The following GABRG2 variants were observed in gnomAD, a reference collection of about 807,000 sequenced individuals.
GABRG2 encodes the protein gamma-aminobutyric acid type A receptor subunit gamma2.
Under a neutral mutation model 56.4 loss-of-function variants are expected in GABRG2, and 16 were observed. The observed-to-expected ratio is 0.28, with a 90% CI of 0.19 to 0.43. The LOEUF is 0.43. GABRG2 is among the 20% of genes least tolerant of loss of function. GABRG2 has a pLI of 1.00. For missense variants in GABRG2, 327 were observed against 582.7 expected (o/e 0.56, Z 4.52); for synonymous variants, 208 against 205.5 (o/e 1.01, Z -0.10).
chr5:162,120,479 G>T (rs2113478070), intron 6 of GABRG2, among the ~76,000 whole-genome samples: 1 of 152,208 alleles, frequency 6.6e-6, no homozygotes, highest in South Asian at 2.1e-4. Context: ...GTACAGTGGA[G>T]ATATTAGAGA....
intron 6 of GABRG2, among the ~76,000 whole-genome samples, chr5:162,124,465 A>G (rs1763182348): frequency 6.6e-6 from 1 of 151,888 alleles, no homozygotes; most frequent in African/African-American, 2.4e-5. Context: ...ACAGCATAGA[A>G]TAGGTATGCC....
intron 6 of GABRG2, among the ~76,000 whole-genome samples, chr5:162,140,426 G>A (rs572747743): frequency 6.6e-6 from 1 of 152,294 alleles, no homozygotes; most frequent in East Asian, 1.9e-4. Context: ...TTCTATTTCA[G>A]CAGCTTTGAG....
At chr5:162,103,243 C>T (rs1177594751) in intron 5 of GABRG2, 1 of 154,098 alleles carries the variant, frequency 6.5e-6, no homozygotes, top group Non-Finnish European at 1.4e-5. Flanking sequence ...TATCTCACCT[C>T]CCCAGTGTGA....
intron 6 of GABRG2, among the ~76,000 whole-genome samples, chr5:162,135,764 C>G (rs1764075913): frequency 6.6e-6 from 1 of 151,982 alleles, no homozygotes; most frequent in South Asian, 2.1e-4. Flanking sequence ...GAGGAGGCAG[C>G]AGGTGAAAGA....
At chr5:162,089,970 C>T (rs1760431144) in intron 1 of GABRG2, among the ~76,000 whole-genome samples, 1 of 152,122 alleles carries the variant, frequency 6.6e-6, no homozygotes. Context: ...ATTAAAATGT[C>T]TACAATCTTG....
chr5:162,074,372 C>T (rs1758917974), intron 1 of GABRG2, among the ~76,000 whole-genome samples: 1 of 152,018 alleles, frequency 6.6e-6, no homozygotes, highest in Admixed American at 6.6e-5. Flanking sequence ...TACCAAACAA[C>T]ATAATCGTGG....
intron 6 of GABRG2, among the ~76,000 whole-genome samples, chr5:162,133,537 C>G (rs1763905665): frequency 6.6e-6 from 1 of 152,076 alleles, no homozygotes; most frequent in Non-Finnish European, 1.5e-5. Context: ...TTCGATGGAT[C>G]AAAGTAGCAA....
rs374075202 is a variant in GABRG2 at position 162,136,646 on chromosome 5, G to C, written c.770-5518G>C. On this transcript the variant is annotated intron_variant, in intron 6 of 9. Transcript: ENST00000639213. The stretch of plus-strand genomic sequence containing the variant: ...TAATTTACTTGTCTAGGGCTCAGAG[G>C]ACACAAATAGAATAATAAGAGAGAA... Among the ~76,000 whole-genome samples, 215 of 152,226 alleles carry C rather than the reference G, an allele frequency of 1.4e-3. 2 individuals are homozygous for C. The highest frequency in any genetic ancestry group is 5.0e-3 in the African/African-American group (208 of 41,532).
intron 1 of GABRG2, among the ~76,000 whole-genome samples, chr5:162,083,787 A>C (rs994118544): frequency 2.0e-5 from 3 of 151,774 alleles, no homozygotes; most frequent in Non-Finnish European, 4.4e-5. Flanking sequence ...CTCAAATATA[A>C]GCTGTTTAAT....
chr5:162,131,053 G>A (rs1330626818), intron 6 of GABRG2, among the ~76,000 whole-genome samples: 1 of 152,026 alleles, frequency 6.6e-6, no homozygotes, highest in Admixed American at 6.6e-5. Flanking sequence ...TAACCAAAAT[G>A]AGTAAAGTGA....
At chr5:162,109,413 TATA>T (rs1561647265) in intron 6 of GABRG2, among the ~76,000 whole-genome samples, 3 of 139,918 alleles carry the variant, frequency 2.1e-5, no homozygotes, top group Admixed American at 7.1e-5. Context: ...TATATATATA[TATA>T]TATATATTTA....
At chr5:162,109,389 A>ATATATATATATATATAT (rs1554098562) in intron 6 of GABRG2, among the ~76,000 whole-genome samples, 25 of 116,228 alleles carry the variant, frequency 2.2e-4, no homozygotes, top group African/African-American at 8.5e-4. Context: ...CTTAAAGTAT[A>ATATATATATATATATAT]ATATATATAT....
chr5:162,105,432 C>CTTTTTTTTTTTTTTTTTTTTTT (rs533258756), intron 6 of GABRG2, among the ~76,000 whole-genome samples: 3 of 104,114 alleles, frequency 2.9e-5, no homozygotes, highest in African/African-American at 1.1e-4. Context: ...GTAGAACAAT[C>CTTTTTTTTTTTTTTTTTTTTTT]TTTTTTTTTT....
intron 1 of GABRG2, among the ~76,000 whole-genome samples, chr5:162,091,768 A>G (rs898475439): frequency 3.3e-5 from 5 of 152,122 alleles, no homozygotes; most frequent in Non-Finnish European, 7.4e-5. Flanking sequence ...AGATAATAGT[A>G]ATAACGGTAA....
chr5:162,127,330 GA>G (rs1018977080), intron 6 of GABRG2, among the ~76,000 whole-genome samples: 9 of 151,736 alleles, frequency 5.9e-5, no homozygotes, highest in Non-Finnish European at 1.2e-4. Context: ...AAGTATGCTA[GA>G]AAAAAACTAA....
At chr5:162,150,878 C>T (rs1765321962) in intron 8 of GABRG2, 1 of 152,224 alleles carries the variant, frequency 6.6e-6, no homozygotes, top group Admixed American at 6.5e-5. Flanking sequence ...TCCTTCCCTT[C>T]CCTGTCTGTT....
intron 6 of GABRG2, among the ~76,000 whole-genome samples, chr5:162,104,451 T>C (rs1581365904): frequency 6.6e-6 from 1 of 152,286 alleles, no homozygotes; most frequent in East Asian, 1.9e-4. Flanking sequence ...TTTAATATTT[T>C]AATCTTATCC....
chr5:162,140,941 T>C (rs1299797215), intron 6 of GABRG2, among the ~76,000 whole-genome samples: 1 of 152,218 alleles, frequency 6.6e-6, no homozygotes, highest in Non-Finnish European at 1.5e-5. Context: ...TAAATTGTTC[T>C]CATGCATCGC....
intron 1 of GABRG2, among the ~76,000 whole-genome samples, chr5:162,076,547 C>T (rs981492445): frequency 6.6e-6 from 1 of 152,086 alleles, no homozygotes; most frequent in African/African-American, 2.4e-5. Context: ...AAAATACATC[C>T]TGTCATACAA....
Sources: allele counts gnomAD v4.1 joint callset (sites outside exome capture counted in the v4.1 genomes callset), GRCh38; gene constraint gnomAD v4.1.1; transcripts MANE v1.5; gene names NCBI Gene and HGNC (gene_info 2026-07-23, HGNC 2026-07-21).